The following SVOP variants were observed in gnomAD, a reference collection of about 807,000 sequenced individuals.
SVOP encodes synaptic vesicle 2-related protein.
In SVOP, 17 loss-of-function variants were observed where a neutral mutation model predicts 69.1. That is an observed-to-expected ratio of 0.25 (90% CI 0.17 to 0.37). SVOP has a LOEUF of 0.37. Among genes scored for constraint, SVOP ranks in the 10% least tolerant of loss-of-function variants. SVOP has a pLI of 1.00. For missense variants in SVOP, 435 were observed against 597.5 expected (o/e 0.73, Z 2.84); for synonymous variants, 238 against 238.6 (o/e 1.00, Z 0.02).
At chr12:108,932,308 T>A (rs558035811) in intron 11 of SVOP, among the ~76,000 whole-genome samples, 5 of 152,228 alleles carry the variant, frequency 3.3e-5, no homozygotes, top group African/African-American at 9.6e-5. Context: ...TGAGACACCA[T>A]ACCCAGCCAT....
At chr12:108,936,074 C>A (rs1289623420) in intron 10 of SVOP, among the ~76,000 whole-genome samples, 1 of 135,058 alleles carries the variant, frequency 7.4e-6, no homozygotes, top group Non-Finnish European at 1.6e-5. Flanking sequence ...GAGACAGAGT[C>A]TCACTCTGTT....
chr12:108,978,084 A>C (rs1323458094), intron 3 of SVOP, among the ~76,000 whole-genome samples: 1 of 152,122 alleles, frequency 6.6e-6, no homozygotes, highest in Non-Finnish European at 1.5e-5. Context: ...TAGGGGGGGA[A>C]ATGTTGTGGG....
Position 108,932,889 on chromosome 12 carries a change from TC to T in SVOP, c.1048+1305del, listed in dbSNP as rs563892879. 2.6e-5 allele frequency among the ~76,000 whole-genome samples: 4 copies of T among 152,286 alleles called. No individual in the cohort carries two copies. In the South Asian group the frequency reaches 8.3e-4, roughly 32 times the overall value. On this transcript the variant is annotated intron_variant, in intron 11 of 15. Coordinates refer to ENST00000610966, the MANE Select transcript of SVOP (RefSeq NM_018711.5). The stretch of plus-strand genomic sequence containing the variant: ...ACTCCCAAATATAATTCTTTTTTTT[TC>T]GTTTTTGAAATGGAATCTCACTCTG...
chr12:108,916,411 T>C (rs1211210820), intron 14 of SVOP, among the ~76,000 whole-genome samples: 4 of 152,200 alleles, frequency 2.6e-5, no homozygotes, highest in African/African-American at 7.2e-5. Flanking sequence ...AAGGACTCCA[T>C]GGCCCTAAGC....
At chr12:109,001,437 T>C (rs1400009809) in intron 1 of SVOP, among the ~76,000 whole-genome samples, 1 of 151,470 alleles carries the variant, frequency 6.6e-6, no homozygotes, top group Non-Finnish European at 1.5e-5. Flanking sequence ...ATGACTTTCT[T>C]CACAGAATTG....
chr12:108,949,960 C>T (rs941586987), intron 6 of SVOP, among the ~76,000 whole-genome samples: 1 of 152,180 alleles, frequency 6.6e-6, no homozygotes, highest in Non-Finnish European at 1.5e-5. Context: ...GGAGGACCTG[C>T]GGCTGAGTCT....
chr12:109,013,095 G>A (rs951932761), intron 1 of SVOP, among the ~76,000 whole-genome samples: 1 of 152,210 alleles, frequency 6.6e-6, no homozygotes, highest in African/African-American at 2.4e-5. Context: ...CATTCATGAA[G>A]TGTTCCTAAT....
chr12:109,019,963 C>T (rs1286401715), intron 1 of SVOP, among the ~76,000 whole-genome samples: 1 of 152,196 alleles, frequency 6.6e-6, no homozygotes, highest in East Asian at 1.9e-4. Context: ...AGGGAATCTA[C>T]TCTTACCACT....
At chr12:108,959,673 C>T (rs1443058801) in intron 6 of SVOP, among the ~76,000 whole-genome samples, 2 of 152,126 alleles carry the variant, frequency 1.3e-5, no homozygotes, top group African/African-American at 4.8e-5. Flanking sequence ...TTACAGATCT[C>T]ATCCCTCCAA....
At chr12:108,917,876 G>A (rs1223146994) in intron 14 of SVOP, among the ~76,000 whole-genome samples, 167 bp downstream of exon 14, 1 of 151,920 alleles carries the variant, frequency 6.6e-6, no homozygotes, top group Non-Finnish European at 1.5e-5. Flanking sequence ...AAACATCCGG[G>A]CTCAAGTGAT....
At chr12:108,932,634 A>G (rs933435452) in intron 11 of SVOP, among the ~76,000 whole-genome samples, 2 of 152,076 alleles carry the variant, frequency 1.3e-5, no homozygotes, top group Non-Finnish European at 2.9e-5. Context: ...CCCCAGAGAA[A>G]CCTGAAAAAC....
chr12:108,973,815 G>A (rs1369951215), intron 4 of SVOP, among the ~76,000 whole-genome samples: 2 of 152,156 alleles, frequency 1.3e-5, no homozygotes, highest in African/African-American at 4.8e-5. Context: ...CTCTTTCTCA[G>A]CCACACCTCT....
chr12:108,960,843 C>T, intron 6 of SVOP, 80 bp downstream of exon 6: 2 of 1,485,382 alleles, frequency 1.3e-6, no homozygotes, highest in Non-Finnish European at 1.8e-6. Flanking sequence ...CCATCTCAGC[C>T]CCTAACTCCT....
At chr12:108,997,141 T>C (rs903852684) in intron 1 of SVOP, among the ~76,000 whole-genome samples, 2 of 152,158 alleles carry the variant, frequency 1.3e-5, no homozygotes, top group Non-Finnish European at 2.9e-5. Context: ...AGGCATTGCC[T>C]CACTTGGGAA....
At chr12:108,970,089 T>C (rs2137429057) in intron 5 of SVOP, among the ~76,000 whole-genome samples, 1 of 152,366 alleles carries the variant, frequency 6.6e-6, no homozygotes, top group Non-Finnish European at 1.5e-5. Context: ...GATCACCATC[T>C]TCCAGGTGTC....
intron 6 of SVOP, among the ~76,000 whole-genome samples, chr12:108,952,301 C>T (rs527306339): frequency 2.4e-5 from 3 of 125,362 alleles, no homozygotes; most frequent in Non-Finnish European, 4.7e-5. Flanking sequence ...GTGGTACGAT[C>T]TTGGCTCACC....
At chr12:108,957,570 T>A (rs1226190917) in intron 6 of SVOP, among the ~76,000 whole-genome samples, 3 of 152,190 alleles carry the variant, frequency 2.0e-5, no homozygotes, top group Non-Finnish European at 4.4e-5. Flanking sequence ...GGGTCCCATG[T>A]CAGAGAAATT....
intron 14 of SVOP, 80 bp from the exon 15 acceptor site, chr12:108,915,952 C>A: frequency 1.5e-6 from 2 of 1,355,196 alleles, no homozygotes; most frequent in Non-Finnish European, 2.0e-6. Flanking sequence ...ATAGGACCAA[C>A]CTCAGGGGCA....
At chr12:109,007,654 T>C (rs1285325935) in intron 1 of SVOP, among the ~76,000 whole-genome samples, 1 of 152,230 alleles carries the variant, frequency 6.6e-6, no homozygotes, top group East Asian at 1.9e-4. Context: ...TTAATATTTA[T>C]GCATCACTTC....
Sources: allele counts gnomAD v4.1 joint callset (sites outside exome capture counted in the v4.1 genomes callset), GRCh38; gene constraint gnomAD v4.1.1; transcripts MANE v1.5; gene names NCBI Gene and HGNC (gene_info 2026-07-23, HGNC 2026-07-21).